Variants in MALRD1 observed in about 807,000 individuals in gnomAD.
MALRD1 encodes the protein MAM and LDL receptor class A domain containing 1, also known as MAM and LDL-receptor class A domain-containing protein 1.
In MALRD1, 247 loss-of-function variants were observed where a neutral mutation model predicts 242.1. That is an observed-to-expected ratio of 1.02 (90% CI 0.92 to 1.13). MALRD1 has a LOEUF of 1.13. MALRD1 is among the 50% of genes most tolerant of loss of function. The pLI is 0.00. For missense variants in MALRD1, 2,989 were observed against 2,533.1 expected, an observed-to-expected ratio of 1.18 and a Z score of -3.86; for synonymous variants, 995 against 866.6, an observed-to-expected ratio of 1.15 and a Z score of -2.60.
At chr10:19,676,778 G>A (rs951110563) in intron 36 of MALRD1, among the ~76,000 whole-genome samples, 6 of 152,062 alleles carry the variant, frequency 3.9e-5, no homozygotes, top group Non-Finnish European at 7.4e-5. Flanking sequence ...CATCACCTGC[G>A]TATTAAGCCT....
intron 26 of MALRD1, among the ~76,000 whole-genome samples, chr10:19,382,659 T>C (rs1342727504): frequency 6.6e-6 from 1 of 152,146 alleles, no homozygotes; most frequent in Admixed American, 6.6e-5. Flanking sequence ...CTTTCTTCTT[T>C]ATGTACTTTG....
intron 36 of MALRD1, among the ~76,000 whole-genome samples, chr10:19,629,329 T>C (rs1329961673): frequency 6.6e-6 from 1 of 152,136 alleles, no homozygotes; most frequent in African/African-American, 2.4e-5. Flanking sequence ...GATCCAGATA[T>C]TTTCCAAGAT....
At chr10:19,095,605 G>C (rs138504168) in intron 4 of MALRD1, among the ~76,000 whole-genome samples, 1 of 152,082 alleles carries the variant, frequency 6.6e-6, no homozygotes, top group Non-Finnish European at 1.5e-5. Flanking sequence ...CCTACACCAT[G>C]TTAAGGGAAG....
At chr10:19,400,243 T>G (rs1846773586) in intron 28 of MALRD1, among the ~76,000 whole-genome samples, 1 of 152,190 alleles carries the variant, frequency 6.6e-6, no homozygotes, top group East Asian at 1.9e-4. Flanking sequence ...CCTTCAATAT[T>G]TAATTCTCCT....
intron 28 of MALRD1, among the ~76,000 whole-genome samples, chr10:19,447,924 G>T (rs1401670512): frequency 2.6e-5 from 4 of 152,114 alleles, no homozygotes; most frequent in African/African-American, 7.2e-5. Context: ...ACATGAATCT[G>T]TGGGTGTCAG....
At chr10:19,217,716 G>A (rs1230461142) in intron 18 of MALRD1, among the ~76,000 whole-genome samples, 5 of 141,238 alleles carry the variant, frequency 3.5e-5, no homozygotes, top group Non-Finnish European at 4.4e-5. Context: ...TAGTAGAGAC[G>A]GATTTCGCTA....
intron 21 of MALRD1, among the ~76,000 whole-genome samples, chr10:19,292,245 C>T (rs1010327948): frequency 1.3e-5 from 2 of 151,890 alleles, no homozygotes; most frequent in African/African-American, 4.8e-5. Flanking sequence ...ATGTTTTTTT[C>T]TGTCGTTTTT....
At chr10:19,125,863 T>G (rs1342907872) in intron 7 of MALRD1, among the ~76,000 whole-genome samples, 8 of 152,048 alleles carry the variant, frequency 5.3e-5, no homozygotes, top group Non-Finnish European at 1.0e-4. Flanking sequence ...TTACTCACCA[T>G]TGTTTTTTAG....
chr10:19,204,740 A>T (rs1344138856), intron 16 of MALRD1, among the ~76,000 whole-genome samples, 158 bp from the exon 17 acceptor site: 2 of 152,210 alleles, frequency 1.3e-5, no homozygotes, highest in Non-Finnish European at 2.9e-5. Flanking sequence ...CTCAGTAGAT[A>T]AGCTCTTGCA....
chr10:19,692,168 T>C, intron 36 of MALRD1, 114 bp from the exon 37 acceptor site: 2 of 801,554 alleles, frequency 2.5e-6, no homozygotes, highest in Non-Finnish European at 3.7e-6. Context: ...AAGTTATCCA[T>C]GTTCCTAGTA....
chr10:19,390,523 G>T (rs1846295938), intron 28 of MALRD1, among the ~76,000 whole-genome samples: 1 of 152,128 alleles, frequency 6.6e-6, no homozygotes, highest in East Asian at 1.9e-4. Context: ...AATGAGACTT[G>T]GTCAAACACC....
At chr10:19,116,425 T>A (rs1588567806) in intron 5 of MALRD1, among the ~76,000 whole-genome samples, 1 of 152,234 alleles carries the variant, frequency 6.6e-6, no homozygotes, top group Non-Finnish European at 1.5e-5. Context: ...TTTTTTATTT[T>A]AGTAGCTTCC....
chr10:19,373,387 C>T (rs1019579671), intron 26 of MALRD1, among the ~76,000 whole-genome samples: 2 of 151,606 alleles, frequency 1.3e-5, no homozygotes, highest in African/African-American at 2.4e-5. Context: ...GTGGTGGTGG[C>T]GGGTGCCTGT....
At chr10:19,441,868 A>G (rs1173370248) in intron 28 of MALRD1, among the ~76,000 whole-genome samples, 1 of 152,176 alleles carries the variant, frequency 6.6e-6, no homozygotes, top group Non-Finnish European at 1.5e-5. Flanking sequence ...AATTCTGTGA[A>G]GAAAGTCATT....
intron 13 of MALRD1, among the ~76,000 whole-genome samples, chr10:19,168,999 T>G (rs1834811924): frequency 6.6e-6 from 1 of 152,150 alleles, no homozygotes; most frequent in Admixed American, 6.6e-5. Context: ...CATTTCACTC[T>G]CAAGAAGGCC....
chr10:19,136,853 T>C, intron 10 of MALRD1, 72 bp downstream of exon 10: 1 of 1,059,708 alleles, frequency 9.4e-7, no homozygotes, highest in Non-Finnish European at 1.2e-6. Context: ...AAACAGTCTT[T>C]GTTTCTATCA....
intron 29 of MALRD1, among the ~76,000 whole-genome samples, chr10:19,482,506 A>G (rs1332928): frequency 0.24 from 35,786 of 151,838 alleles, 5,189 homozygotes; most frequent in East Asian, 0.41. Context: ...TTATGATAGG[A>G]TTCTATACTG....
rs1410399160 is a variant in MALRD1 at position 19,692,537 on chromosome 10, C to A, written c.6297C>A (p.Asn2099Lys). The stretch of plus-strand genomic sequence containing the variant: ...TTGCAGTCTTGTGTTTTCTTGCAAA[C>A]AGAAAGGTACCAATAAGGTAAGTGA... ...ITVAVLCFLA[N>K]RKVPIRKTEG... is the part of the protein sequence containing the mutation. The change falls in exon 38 of 40, where the codon AAC becomes AAA. Residue 2099 changes from asparagine (N) to lysine (K), a missense_variant. Asn to Lys is a moderately conservative substitution (Grantham distance 94, BLOSUM62 0). Transcript: ENST00000454679. The A allele has an allele frequency of 7.2e-6, 11 of 1,535,328 alleles. No homozygotes were observed. The East Asian group carries it at 2.7e-4, about 38-fold the overall frequency.
chr10:19,398,024 A>G (rs995813044), intron 28 of MALRD1, among the ~76,000 whole-genome samples: 1 of 151,286 alleles, frequency 6.6e-6, no homozygotes, highest in Non-Finnish European at 1.5e-5. Flanking sequence ...TTTTTTGACT[A>G]TTGAATTTTT....
Sources: allele counts gnomAD v4.1 joint callset (sites outside exome capture counted in the v4.1 genomes callset), GRCh38; gene constraint gnomAD v4.1.1; transcripts MANE v1.5; gene names NCBI Gene and HGNC (gene_info 2026-07-23, HGNC 2026-07-21).